Variants in ELF4 observed in about 807,000 individuals in gnomAD.
ELF4 encodes ETS-related transcription factor Elf-4.
A neutral mutation model predicts 31.7 loss-of-function variants in ELF4; 10 were observed. The observed-to-expected ratio is 0.32, with a 90% CI of 0.19 to 0.54. The LOEUF is 0.54. Ranked by LOEUF, ELF4 falls within the 20% of genes least tolerant of loss-of-function variation. ELF4 has a pLI of 0.95. For synonymous variants in ELF4, 208 were observed against 226.7 expected, an observed-to-expected ratio of 0.92 and a Z score of 0.74; for missense variants, 418 against 522.0, an observed-to-expected ratio of 0.80 and a Z score of 1.94.
intron 1 of ELF4, among the ~76,000 whole-genome samples, chrX:130,096,151 T>C (rs1270622005): frequency 9.0e-6 from 1 of 111,576 alleles, no homozygotes; most frequent in Non-Finnish European, 1.9e-5. Context: ...GGGATTTCTT[T>C]TGGGGGTGAT....
intron 1 of ELF4, among the ~76,000 whole-genome samples, chrX:130,091,433 A>AT (rs1933055669): frequency 9.0e-6 from 1 of 111,677 alleles, no homozygotes; most frequent in African/African-American, 3.3e-5. Flanking sequence ...ATCTCAAAAA[A>AT]ATATATATTT....
At position 130,074,076 on chromosome X, in the gene ELF4, T is replaced by C. The variant is rs749576502; in HGVS notation, c.313A>G (p.Ser105Gly). Residue 105 changes from serine (S) to glycine (G), a missense_variant, in exon 4 of 9, where the codon AGC becomes GGC. Around this residue, in one of 4 missense-constraint regions of ELF4, gnomAD observed 88 missense variants for 92.4 expected, o/e 0.95. Transcript: ENST00000308167. ...ATCTGCTTCTCATCCAGGATATCGC[T>C]GGGAGACTCCATATTGAGTAAGACT... ...AEVLLNMESP[S>G]DILDEKQIFS... 6 of 1,211,774 alleles carry C rather than the reference T, an allele frequency of 5.0e-6. No individual in the cohort carries two copies. The South Asian group carries it at 8.8e-5, about 18-fold the overall frequency.
At chrX:130,073,479 T>G (rs1932806206) in intron 4 of ELF4, among the ~76,000 whole-genome samples, 1 of 112,011 alleles carries the variant, frequency 8.9e-6, no homozygotes, top group Non-Finnish European at 1.9e-5. Flanking sequence ...AAAGGCACCC[T>G]GGCCAATATT....
In ELF4 at chrX:130,063,972, TTTA is replaced by T. The variant is rs201836552; in HGVS notation, c.*2746_*2748del. On this transcript the variant is annotated 3_prime_UTR_variant, in exon 9 of 9. Transcript: ENST00000308167. ...TGACGGCCTTTTTGTTTGCTTGATT[TTTA>T]TTATTATTATTATTATTATTATTAT... 0.27 allele frequency among the ~76,000 whole-genome samples: 25,221 copies of T among 93,145 alleles called. 3,272 individuals are homozygous for T. Among genetic ancestry groups the T allele is most frequent in the East Asian group, 0.46 (1,360 of 2,948 alleles). The allele number at this position is 93,145 out of a possible 115,157, so 80.9% of individuals were successfully genotyped here. A position where few individuals can be genotyped will look rare whatever the true frequency, so the allele number is the denominator to read the frequency against.
At chrX:130,105,480 T>C (rs1933361378) in intron 1 of ELF4, among the ~76,000 whole-genome samples, 1 of 111,082 alleles carries the variant, frequency 9.0e-6, no homozygotes, top group Middle Eastern at 4.6e-3. Context: ...GGGAAAATGA[T>C]GAGTGTGTGT....
At chrX:130,068,345 T>A (rs1932737161) in intron 8 of ELF4, among the ~76,000 whole-genome samples, 1 of 111,591 alleles carries the variant, frequency 9.0e-6, no homozygotes, top group African/African-American at 3.3e-5. Flanking sequence ...GATGCTGGGG[T>A]CTCACAAGGC....
In ELF4 at chrX:130,092,202, G is replaced by A. The variant is rs145118743; in HGVS notation, c.-209-10663C>T. On this transcript the variant is annotated intron_variant, in intron 1 of 8. Coordinates refer to ENST00000308167, the MANE Select transcript of ELF4 (RefSeq NM_001421.4). ...CCAGGGCCCACAGCAGACAGGCAGT[G>A]GAGTAGGAGATAGGGCCAGCTCTCA... 1.1e-3 allele frequency among the ~76,000 whole-genome samples: 119 copies of A among 113,167 alleles called. 2 individuals are homozygous for A. The East Asian group carries it at 0.022, about 21-fold the overall frequency.
chrX:130,091,282 G>C (rs1474131304), intron 1 of ELF4, among the ~76,000 whole-genome samples: 1 of 110,049 alleles, frequency 9.1e-6, no homozygotes, highest in East Asian at 2.8e-4. Flanking sequence ...CAAAAAATTA[G>C]TTGGGCATGG....
At chrX:130,082,245 A>G (rs1458498907) in intron 1 of ELF4, among the ~76,000 whole-genome samples, 1 of 109,901 alleles carries the variant, frequency 9.1e-6, no homozygotes, top group Non-Finnish European at 1.9e-5. Context: ...CAGGGATGGG[A>G]CTCTCAGATG....
chrX:130,075,921 G>A (rs778498179), intron 2 of ELF4, among the ~76,000 whole-genome samples: 22 of 111,746 alleles, frequency 2.0e-4, no homozygotes, highest in African/African-American at 6.8e-4. Flanking sequence ...ATTCAACAGG[G>A]ACATGGAGAT....
Position 130,109,515 on chromosome X carries a change from G to A in ELF4, c.-210+810C>T, listed in dbSNP as rs1471005753. Among the ~76,000 whole-genome samples, 3 of 112,721 alleles carry A rather than the reference G, an allele frequency of 2.7e-5. No homozygotes were observed. The East Asian group carries it at 8.4e-4, about 32-fold the overall frequency. ...CTCAGCTGGGGTATGGTGCGGGGCGGGGGCGGCCCAGGAGGACCTCGCTGA... is the reference window on the plus strand; with the variant it reads ...CTCAGCTGGGGTATGGTGCGGGGCGAGGGCGGCCCAGGAGGACCTCGCTGA... On this transcript the variant is annotated intron_variant, in intron 1 of 8. Transcript: ENST00000308167.
chrX:130,110,248 C>T (rs1168383607), intron 1 of ELF4, 77 bp downstream of exon 1: 1 of 109,957 alleles, frequency 9.1e-6, no homozygotes, highest in Non-Finnish European at 1.9e-5. Context: ...CGCCGGGGCC[C>T]CGGCGCTCTC....
rs9282674 is a variant in ELF4 at position 130,069,380 on chromosome X, C to T, written c.1107G>A (p.Ser369=). Residue 369 remains serine, a synonymous_variant, in exon 8 of 9, where the codon TCG becomes TCA. Transcript: ENST00000308167. ...QPSASLELGP[S]LDEEIPTTST... is the part of the protein sequence containing the mutation. ...AGGTAGTGGGGATCTCCTCGTCTAG[C>T]GACGGTCCCAATTCCAGACTCGCAG... The T allele has an allele frequency of 7.1e-3, 8,612 of 1,210,819 alleles. 35 individuals carry two copies. Among genetic ancestry groups the T allele is most frequent in the Non-Finnish European group, 8.2e-3 (7,365 of 895,314 alleles).
chrX:130,091,883 C>G (rs1933063929), intron 1 of ELF4, among the ~76,000 whole-genome samples: 1 of 111,818 alleles, frequency 8.9e-6, no homozygotes, highest in Middle Eastern at 4.6e-3. Context: ...TCCCACAGTT[C>G]TTAGCAGGCA....
chrX:130,092,198 C>A (rs150371507), intron 1 of ELF4, among the ~76,000 whole-genome samples: 3 of 113,130 alleles, frequency 2.7e-5, no homozygotes, highest in African/African-American at 9.6e-5. Flanking sequence ...AGCAGACAGG[C>A]AGTGGAGTAG....
At chrX:130,070,787 AAAAG>A (rs3077208) in intron 7 of ELF4, among the ~76,000 whole-genome samples, 4,987 of 92,441 alleles carry the variant, frequency 0.054, 486 homozygotes, top group African/African-American at 0.19. Context: ...AAAAAAAAAA[AAAAG>A]AAAGAAAGAA....
At position 130,070,575 on chromosome X, in the gene ELF4, AAAAT is replaced by A. The variant is rs755353535; in HGVS notation, c.809+461_809+464del. On this transcript the variant is annotated intron_variant, in intron 7 of 8. Transcript: ENST00000308167. The stretch of plus-strand genomic sequence containing the variant: ...GGGTGACAGAGCAAGACTCCGTCTC[AAAAT>A]AAATAAATAAATAAATAAAAATAAA... Among the ~76,000 whole-genome samples, 5 of 103,437 alleles carry A rather than the reference AAAAT, an allele frequency of 4.8e-5. No individual in the cohort carries two copies. In the Admixed American group the frequency reaches 5.2e-4, roughly 11 times the overall value. 89.8% of individuals were successfully genotyped at this position (103,437 alleles called of 115,157 possible).
At chrX:130,069,767 G>T (rs1261553220) in intron 7 of ELF4, 90 bp from the exon 8 acceptor site, 5 of 1,166,629 alleles carry the variant, frequency 4.3e-6, no homozygotes, top group Non-Finnish European at 4.6e-6. Context: ...CTCCCCGAGG[G>T]CTAGGCAAGC....
At chrX:130,093,123 A>C (rs1456009603) in intron 1 of ELF4, among the ~76,000 whole-genome samples, 1 of 111,104 alleles carries the variant, frequency 9.0e-6, no homozygotes, top group Non-Finnish European at 1.9e-5. Context: ...CAGCCTGGCC[A>C]ACATGATGGC....
Sources: allele counts gnomAD v4.1 joint callset (sites outside exome capture counted in the v4.1 genomes callset), GRCh38; gene constraint gnomAD v4.1.1; regional missense constraint gnomAD v4.1.1; transcripts MANE v1.5; gene names NCBI Gene and HGNC (gene_info 2026-07-23, HGNC 2026-07-21).